SYNPO2: variants seen among roughly 807,000 people sequenced by gnomAD.
SYNPO2 encodes synaptopodin 2.
A neutral mutation model predicts 85.0 loss-of-function variants in SYNPO2; 56 were observed. The ratio of observed to expected loss-of-function variants is 0.66; its 90% confidence interval spans 0.53 to 0.82. The LOEUF is 0.82. SYNPO2 is among the 40% of genes least tolerant of loss of function. SYNPO2 has a pLI of 0.00. For missense variants in SYNPO2, 1,575 were observed against 1,534.2 expected, an observed-to-expected ratio of 1.03 and a Z score of -0.44; for synonymous variants, 602 against 591.1, an observed-to-expected ratio of 1.02 and a Z score of -0.27.
chr4:119,012,461 A>G (rs912889848), intron 1 of SYNPO2, among the ~76,000 whole-genome samples: 1 of 142,512 alleles, frequency 7.0e-6, no homozygotes, highest in Non-Finnish European at 1.5e-5. Context: ...TACATGTGTC[A>G]TGGTGGTTTG....
chr4:119,057,296 T>A (rs2149202521), intron 4 of SYNPO2, 105 bp from the exon 5 acceptor site: 1 of 1,168,608 alleles, frequency 8.6e-7, no homozygotes, highest in East Asian at 2.8e-5. Flanking sequence ...TTTATTTTTA[T>A]TTTTTATTTT....
Position 119,057,492 on chromosome 4 carries a change from C to T in SYNPO2, c.3344C>T (p.Ser1115Phe). ...GTATACCAGCCTACTTATAGTTACT[C>T]TAGTAAACCAACCGATGGACTAGAG... ...PWVYQPTYSY[S>F]SKPTDGLEKA... Residue 1115 changes from serine (S) to phenylalanine (F), a missense_variant, in exon 5 of 5, where the codon TCT (serine) becomes TTT (phenylalanine). Ser to Phe is a radical substitution (Grantham distance 155, BLOSUM62 -2). Coordinates refer to ENST00000307142, the MANE Select transcript of SYNPO2 (RefSeq NM_133477.3). 1 of 1,614,104 alleles carries T rather than the reference C, an allele frequency of 6.2e-7. No homozygotes were observed. Among genetic ancestry groups the T allele is most frequent in the Non-Finnish European group, 8.5e-7 (1 of 1,180,024 alleles).
chr4:118,856,309 G>A (rs550285103), intron 1 of SYNPO2, among the ~76,000 whole-genome samples: 1 of 152,186 alleles, frequency 6.6e-6, no homozygotes, highest in East Asian at 1.9e-4. Flanking sequence ...ATTTTTTGAA[G>A]TAAGTAACCC....
intron 1 of SYNPO2, among the ~76,000 whole-genome samples, chr4:118,912,975 C>G (rs1220913702): frequency 2.6e-5 from 4 of 152,126 alleles, no homozygotes; most frequent in Admixed American, 6.6e-5. Flanking sequence ...AGAGTTATTT[C>G]AAGGCAAAAT....
intron 1 of SYNPO2, among the ~76,000 whole-genome samples, chr4:118,973,470 G>C (rs914743231): frequency 4.6e-5 from 7 of 151,984 alleles, no homozygotes; most frequent in Non-Finnish European, 7.4e-5. Context: ...TCGTTTCTGT[G>C]ATGAGTGAGG....
upstream of SYNPO2, among the ~76,000 whole-genome samples, chr4:118,887,757 A>G (rs953166861): frequency 6.6e-6 from 1 of 152,222 alleles, no homozygotes; most frequent in African/African-American, 2.4e-5. Flanking sequence ...TTAAAGTCAC[A>G]GTTTCCATGA....
chr4:119,051,186 ATT>A (rs369864760), intron 4 of SYNPO2, among the ~76,000 whole-genome samples: 2 of 100,702 alleles, frequency 2.0e-5, no homozygotes, highest in Admixed American at 1.3e-4. Flanking sequence ...ATGGGAAGCA[ATT>A]TTTTTTTTTT....
At chr4:118,933,829 G>GGTTT in intron 1 of SYNPO2, among the ~76,000 whole-genome samples, 1 of 102,318 alleles carries the variant, frequency 9.8e-6, no homozygotes, top group East Asian at 3.3e-4. Flanking sequence ...TGTTGTTGTT[G>GGTTT]TTTTTTTTTT....
chr4:118,998,585 T>A (rs1012827777), intron 1 of SYNPO2, among the ~76,000 whole-genome samples: 2 of 152,320 alleles, frequency 1.3e-5, no homozygotes, highest in Admixed American at 1.3e-4. Flanking sequence ...GTTCAAAAGT[T>A]ACATCTCACA....
At chr4:118,968,303 C>A (rs529403198) in intron 1 of SYNPO2, among the ~76,000 whole-genome samples, 1 of 152,198 alleles carries the variant, frequency 6.6e-6, no homozygotes, top group Non-Finnish European at 1.5e-5. Context: ...ACCTCATGGG[C>A]TCCAGGCAAA....
intron 1 of SYNPO2, among the ~76,000 whole-genome samples, chr4:118,957,936 C>T (rs1578584508): frequency 6.6e-6 from 1 of 152,184 alleles, no homozygotes; most frequent in Non-Finnish European, 1.5e-5. Flanking sequence ...TGGGAATAGT[C>T]AAGAATATGC....
chr4:119,037,425 C>T (rs1358601171), intron 4 of SYNPO2: 4 of 1,153,460 alleles, frequency 3.5e-6, no homozygotes, highest in Non-Finnish European at 4.3e-6. Context: ...GAAAAATGTT[C>T]TTCTTGGAAG....
chr4:118,869,844 T>C (rs1731771441), intron 1 of SYNPO2, among the ~76,000 whole-genome samples: 1 of 152,242 alleles, frequency 6.6e-6, no homozygotes, highest in South Asian at 2.1e-4. Context: ...ACCTTGCTCA[T>C]TTCATAATTC....
chr4:119,025,436 C>T lies in SYNPO2; in HGVS notation c.258-1191C>T, dbSNP rs182306109. On this transcript the variant is annotated intron_variant, in intron 2 of 4. Transcript: ENST00000307142. ...ACAGGGAAGCTTTTCCAATTACTTG[C>T]GTATAGAGAAAGGTGCATTTTGTTT... Among the ~76,000 whole-genome samples, 180 of 152,176 alleles carry T rather than the reference C, an allele frequency of 1.2e-3. 1 individual carries two copies. The highest frequency in any genetic ancestry group is 2.3e-3 in the Non-Finnish European group (154 of 68,010).
At chr4:119,042,345 A>G (rs1351916032) in intron 4 of SYNPO2, 1 of 152,202 alleles carries the variant, frequency 6.6e-6, no homozygotes, top group African/African-American at 2.4e-5. Context: ...AGAATGATAC[A>G]ATTTTATTAT....
At chr4:119,015,001 T>C (rs1737473376) in intron 1 of SYNPO2, among the ~76,000 whole-genome samples, 1 of 152,232 alleles carries the variant, frequency 6.6e-6, no homozygotes, top group African/African-American at 2.4e-5. Flanking sequence ...GAATTAAAAC[T>C]ATGACAAGTA....
chr4:118,994,679 C>G (rs1736525351), intron 1 of SYNPO2, among the ~76,000 whole-genome samples: 1 of 152,184 alleles, frequency 6.6e-6, no homozygotes, highest in African/African-American at 2.4e-5. Context: ...ATCCTAGTGA[C>G]AGAGTAAATT....
chr4:118,989,545 C>T (rs753885679), intron 1 of SYNPO2, among the ~76,000 whole-genome samples: 3 of 152,174 alleles, frequency 2.0e-5, no homozygotes, highest in African/African-American at 2.4e-5. Context: ...GACAGAGTCA[C>T]GGACTCGTTT....
Position 119,031,075 on chromosome 4 carries a change from C to A in SYNPO2, c.2300C>A (p.Ser767Tyr), listed in dbSNP as rs138262112. 7 of 1,614,014 alleles carry A rather than the reference C, an allele frequency of 4.3e-6. No homozygotes were observed. In the Middle Eastern group the frequency reaches 4.9e-4, roughly 114 times the overall value. ...PPVAPKPAVK[S>Y]SSSQPVTPVS... ...GTTGCTCCAAAACCTGCAGTCAAGT[C>A]CTCATCCTCCCAACCAGTAACTCCA... The change falls in exon 4 of 5, where the codon TCC becomes TAC. Residue 767 changes from serine (S) to tyrosine (Y), a missense_variant. Ser to Tyr is a moderately radical substitution (Grantham distance 144). Coordinates refer to ENST00000307142, the MANE Select transcript of SYNPO2 (RefSeq NM_133477.3).
Sources: gnomAD v4.1 joint callset for allele counts (sites outside exome capture counted in the v4.1 genomes callset) on GRCh38, gnomAD v4.1.1 for gene constraint, MANE v1.5 for transcripts, NCBI Gene and HGNC (gene_info 2026-07-23, HGNC 2026-07-21) for gene names.